Variants in SLC26A7 observed in about 807,000 individuals in gnomAD.
SLC26A7 encodes solute carrier family 26 member 7.
A neutral mutation model predicts 82.5 loss-of-function variants in SLC26A7; 59 were observed. That is an observed-to-expected ratio of 0.72 (90% confidence interval 0.58 to 0.89). The LOEUF (loss-of-function observed/expected upper bound fraction) is 0.89. SLC26A7 is among the 40% of genes least tolerant of loss of function. The pLI is 0.00. For synonymous variants in SLC26A7, 271 were observed against 274.3 expected, an observed-to-expected ratio of 0.99 and a Z score of 0.12; for missense variants, 820 against 793.0, an observed-to-expected ratio of 1.03 and a Z score of -0.41.
intron 14 of SLC26A7, among the ~76,000 whole-genome samples, chr8:91,367,345 T>C (rs939294310): frequency 6.6e-5 from 10 of 152,296 alleles, no homozygotes; most frequent in African/African-American, 1.9e-4. Context: ...GGCATTAGAT[T>C]TAACTCTAAA....
chr8:91,233,756 ATTTTCAG>A (rs1161077943), intron 2 of SLC26A7, among the ~76,000 whole-genome samples: 1 of 152,168 alleles, frequency 6.6e-6, no homozygotes, highest in Non-Finnish European at 1.5e-5. Flanking sequence ...AATGTGTTTT[ATTTTCAG>A]TTCACCTATG....
intron 2 of SLC26A7, among the ~76,000 whole-genome samples, chr8:91,276,012 G>A (rs1037293645): frequency 2.1e-4 from 32 of 152,274 alleles, no homozygotes; most frequent in African/African-American, 7.2e-4. Flanking sequence ...TTATCTTTAA[G>A]TAGTAAATTA....
chr8:91,385,160 C>A (rs918426386), intron 15 of SLC26A7, among the ~76,000 whole-genome samples: 1 of 152,038 alleles, frequency 6.6e-6, no homozygotes, highest in Non-Finnish European at 1.5e-5. Flanking sequence ...GTAGATAAAG[C>A]CCATCATTTA....
In SLC26A7 at chr8:91,388,287, C is replaced by G. The variant is rs1814855582; in HGVS notation, c.1676-1051C>G. 2.0e-5 allele frequency among the ~76,000 whole-genome samples: 3 copies of G among 152,016 alleles called. No individual in the cohort carries two copies. In the South Asian group the frequency reaches 6.2e-4, roughly 32 times the overall value. On this transcript the variant is annotated intron_variant, in intron 15 of 18. Coordinates refer to ENST00000276609, the MANE Select transcript of SLC26A7 (RefSeq NM_052832.4). ...GATTTTTTTTAGTCTCGCTCTGTTG[C>G]CCAGGCTGGAGTGCAGTGGCGGGAT...
At chr8:91,252,414 A>G (rs1420873859) in intron 2 of SLC26A7, among the ~76,000 whole-genome samples, 2 of 152,086 alleles carry the variant, frequency 1.3e-5, no homozygotes. Context: ...TGTTAAATAT[A>G]GATGCTTTTC....
rs1811842111 is a variant in SLC26A7 at position 91,290,741 on chromosome 8, G to A, written c.304+1495G>A. Among the ~76,000 whole-genome samples the A allele has an allele frequency of 2.0e-5, 3 of 152,152 alleles. No individual in the cohort carries two copies. In the South Asian group the frequency reaches 6.2e-4, roughly 32 times the overall value. ...CTCACAGGTTCTGGGGATTAGGATG[G>A]GAACATATTTGAGAGGTCATAATTC... On this transcript the variant is annotated intron_variant, in intron 3 of 18. Transcript: ENST00000276609.
At chr8:91,309,891 A>G (rs552088118) in intron 4 of SLC26A7, among the ~76,000 whole-genome samples, 36 of 152,100 alleles carry the variant, frequency 2.4e-4, no homozygotes, top group Non-Finnish European at 5.0e-4. Flanking sequence ...TACTGGAGTC[A>G]TATGCATGCT....
At chr8:91,235,105 G>A (rs1810376232) in intron 2 of SLC26A7, among the ~76,000 whole-genome samples, 2 of 151,794 alleles carry the variant, frequency 1.3e-5, no homozygotes, top group Admixed American at 6.6e-5. Flanking sequence ...AAATTTTTTT[G>A]TGGAAAGTGG....
chr8:91,328,663 C>G (rs1812997154), intron 5 of SLC26A7, among the ~76,000 whole-genome samples: 1 of 151,936 alleles, frequency 6.6e-6, no homozygotes, highest in Non-Finnish European at 1.5e-5. Context: ...TTCCCAGACA[C>G]CATTCTAGAA....
chr8:91,279,125 G>GTATATATATATATATATA (rs55869816), intron 2 of SLC26A7, among the ~76,000 whole-genome samples: 5 of 111,260 alleles, frequency 4.5e-5, no homozygotes, highest in African/African-American at 3.5e-5. Flanking sequence ...GTGTGTGTGT[G>GTATATATATATATATATA]TATATATATA....
intron 4 of SLC26A7, among the ~76,000 whole-genome samples, chr8:91,305,581 C>G (rs1448674): frequency 0.054 from 8,280 of 152,266 alleles, 270 homozygotes; most frequent in African/African-American, 0.067. Context: ...GTCAAATTGT[C>G]TATCCCTAGC....
rs566531666 is a variant in SLC26A7, at chr8:91,389,813, G to A, written c.1776+375G>A. 9.8e-5 allele frequency among the ~76,000 whole-genome samples: 15 copies of A among 152,312 alleles called. No individual in the cohort carries two copies. The South Asian group carries it at 2.1e-3, about 21-fold the overall frequency. On this transcript the variant is annotated intron_variant, in intron 16 of 18. Transcript: ENST00000276609. ...ATAAGTAAGTGCCTTGATGATGGCA[G>A]GAGGTTTTCTCTTACATCACGGTTG...
chr8:91,287,593 C>T (rs913767831), intron 2 of SLC26A7, among the ~76,000 whole-genome samples: 1 of 152,196 alleles, frequency 6.6e-6, no homozygotes, highest in African/African-American at 2.4e-5. Flanking sequence ...TTTAGTCAAT[C>T]TGTGATCTTA....
chr8:91,329,441 T>G (rs1813018777), intron 5 of SLC26A7, among the ~76,000 whole-genome samples: 1 of 152,168 alleles, frequency 6.6e-6, no homozygotes, highest in Non-Finnish European at 1.5e-5. Context: ...CTTGTTCTTC[T>G]GGAGCATCTT....
At chr8:91,390,364 G>T (rs547226867) in intron 16 of SLC26A7, among the ~76,000 whole-genome samples, 1 of 151,928 alleles carries the variant, frequency 6.6e-6, no homozygotes, top group Non-Finnish European at 1.5e-5. Context: ...TGATCTACCC[G>T]CCTTGGCCTC....
intron 15 of SLC26A7, among the ~76,000 whole-genome samples, chr8:91,380,307 G>A (rs1257471843): frequency 6.6e-6 from 1 of 151,910 alleles, no homozygotes. Flanking sequence ...GCATTATAAG[G>A]TATCTTAGTA....
At chr8:91,361,632 C>T (rs919118109) in intron 11 of SLC26A7, among the ~76,000 whole-genome samples, 4 of 152,176 alleles carry the variant, frequency 2.6e-5, no homozygotes, top group East Asian at 1.9e-4. Flanking sequence ...AGCTTAGAAA[C>T]GCCAACTATA....
At chr8:91,376,952 G>A (rs1370367727) in intron 15 of SLC26A7, among the ~76,000 whole-genome samples, 1 of 152,058 alleles carries the variant, frequency 6.6e-6, no homozygotes, top group African/African-American at 2.4e-5. Context: ...CTGCAAAGTG[G>A]CTGCAGACTG....
chr8:91,286,889 C>T (rs939040273), intron 2 of SLC26A7, among the ~76,000 whole-genome samples: 2 of 152,146 alleles, frequency 1.3e-5, no homozygotes, highest in Admixed American at 1.3e-4. Context: ...CCAGCTGTCT[C>T]TCCTTTTTTT....
Sources: allele counts gnomAD v4.1 joint callset (sites outside exome capture counted in the v4.1 genomes callset), GRCh38; gene constraint gnomAD v4.1.1; transcripts MANE v1.5; gene names NCBI Gene and HGNC (gene_info 2026-07-23, HGNC 2026-07-21).